The following TXNDC16 variants were observed in gnomAD, a reference collection of about 807,000 sequenced individuals.
TXNDC16 encodes the protein thioredoxin domain containing 16, also known as thioredoxin domain-containing protein 16.
Under a neutral mutation model 85.6 loss-of-function variants are expected in TXNDC16, and 74 were observed. The observed-to-expected ratio is 0.86, with a 90% confidence interval of 0.72 to 1.05. TXNDC16 has a LOEUF of 1.05. Among genes scored for constraint, TXNDC16 ranks in the 50% least tolerant of loss-of-function variants. TXNDC16 has a pLI of 0.00. For synonymous variants in TXNDC16, 335 were observed against 326.5 expected, an observed-to-expected ratio of 1.03 and a Z score of -0.28; for missense variants, 959 against 947.0, an observed-to-expected ratio of 1.01 and a Z score of -0.17.
At chr14:52,509,159 T>C (rs1189280930) in intron 9 of TXNDC16, among the ~76,000 whole-genome samples, 2 of 151,852 alleles carry the variant, frequency 1.3e-5, no homozygotes, top group African/African-American at 2.4e-5. Flanking sequence ...AAAAGAGTTT[T>C]GAAATACAGC....
intron 12 of TXNDC16, among the ~76,000 whole-genome samples, chr14:52,485,160 G>C (rs999238986): frequency 6.6e-6 from 1 of 152,190 alleles, no homozygotes; most frequent in Admixed American, 6.5e-5. Context: ...AAGTGGAAGA[G>C]AGTAATATGG....
At chr14:52,504,718 C>G (rs1484909346) in intron 9 of TXNDC16, among the ~76,000 whole-genome samples, 1 of 152,210 alleles carries the variant, frequency 6.6e-6, no homozygotes, top group African/African-American at 2.4e-5. Flanking sequence ...TCACACATAA[C>G]AATATCAACC....
intron 20 of TXNDC16, among the ~76,000 whole-genome samples, chr14:52,434,615 C>T (rs971124116): frequency 6.6e-6 from 1 of 152,092 alleles, no homozygotes; most frequent in Non-Finnish European, 1.5e-5. Flanking sequence ...TTAAGATATG[C>T]AATAAGTAAG....
intron 18 of TXNDC16, among the ~76,000 whole-genome samples, chr14:52,444,727 G>C (rs2035239781): frequency 1.3e-5 from 2 of 152,062 alleles, no homozygotes; most frequent in African/African-American, 2.4e-5. Context: ...AAGATAAAAA[G>C]AGTAAAATGA....
chr14:52,439,517 A>G (rs2140101072), intron 19 of TXNDC16, 123 bp from the exon 20 acceptor site: 1 of 884,332 alleles, frequency 1.1e-6, no homozygotes, highest in Non-Finnish European at 1.7e-6. Flanking sequence ...TTATGAAAAG[A>G]TGTCCTAAAA....
intron 16 of TXNDC16, among the ~76,000 whole-genome samples, chr14:52,467,886 T>C (rs1040590107): frequency 4.6e-5 from 7 of 152,124 alleles, no homozygotes; most frequent in African/African-American, 9.7e-5. Context: ...CAAAATAAGA[T>C]ATATACATAC....
At position 52,482,729 on chromosome 14, in the gene TXNDC16, A is replaced by G. The variant is rs1274924238; in HGVS notation, c.1252+93T>C. On this transcript the variant is annotated intron_variant, in intron 13 of 20. Coordinates refer to ENST00000281741, the MANE Select transcript of TXNDC16 (RefSeq NM_020784.3). ...ACTTGAGACATACGAAAGCAATTTC[A>G]TTTTACAACATGCAATACATGGAAT... is the stretch of plus-strand genomic sequence containing the variant. 3 of 1,215,298 alleles carry G rather than the reference A, an allele frequency of 2.5e-6. No individual in the cohort carries two copies. The East Asian group carries it at 7.6e-5, about 31-fold the overall frequency. 75.3% of individuals were successfully genotyped at this position (1,215,298 alleles called of 1,614,324 possible). A position where few individuals can be genotyped will look rare whatever the true frequency, so the allele number is the denominator to read the frequency against.
chr14:52,463,725 C>T (rs1250859639), intron 16 of TXNDC16, among the ~76,000 whole-genome samples: 2 of 152,136 alleles, frequency 1.3e-5, no homozygotes, highest in African/African-American at 4.8e-5. Context: ...ATAGAGAAAC[C>T]TTTAGTCTGA....
chr14:52,500,338 G>T lies in TXNDC16; in HGVS notation c.757-9333C>A, dbSNP rs535343993. On this transcript the variant is annotated intron_variant, in intron 9 of 20. Coordinates refer to ENST00000281741, the MANE Select transcript of TXNDC16 (RefSeq NM_020784.3). ...ATGAACCTTGAGGACATTATTCTAA[G>T]TGAAATAAGCCAACTGCAAAAACAA... 6.6e-4 allele frequency among the ~76,000 whole-genome samples: 100 copies of T among 152,310 alleles called. No individual in the cohort carries two copies. The Middle Eastern group carries it at 0.017, about 26-fold the overall frequency.
chr14:52,541,981 A>G (rs2037840757), intron 4 of TXNDC16, among the ~76,000 whole-genome samples: 2 of 152,314 alleles, frequency 1.3e-5, no homozygotes, highest in East Asian at 1.9e-4. Context: ...GTTTACCTCC[A>G]TTTTGTTACT....
At chr14:52,530,258 T>TATAATTATATATATTATTATATA (rs1555342435) in intron 6 of TXNDC16, among the ~76,000 whole-genome samples, 2 of 59,426 alleles carry the variant, frequency 3.4e-5, no homozygotes, top group Non-Finnish European at 5.5e-5. Context: ...ATATATATTA[T>TATAATTATATATATTATTATATA]ATAATATATA....
At chr14:52,438,648 T>C (rs898275908) in intron 20 of TXNDC16, among the ~76,000 whole-genome samples, 6 of 152,216 alleles carry the variant, frequency 3.9e-5, no homozygotes, top group African/African-American at 1.4e-4. Flanking sequence ...AATATTTGCT[T>C]TATTGTGGTG....
At chr14:52,516,233 G>A (rs1326293048) in intron 7 of TXNDC16, among the ~76,000 whole-genome samples, 1 of 152,020 alleles carries the variant, frequency 6.6e-6, no homozygotes, top group Admixed American at 6.6e-5. Context: ...CTTCTTTATT[G>A]CTTCCTTGTG....
At chr14:52,488,538 A>G in intron 11 of TXNDC16, 52 bp from the exon 12 acceptor site, 1 of 1,476,410 alleles carries the variant, frequency 6.8e-7, no homozygotes, top group Non-Finnish European at 9.2e-7. Context: ...ATTTTGACAT[A>G]AAAATGTTTT....
chr14:52,528,855 G>GTA (rs1304911655), intron 6 of TXNDC16, among the ~76,000 whole-genome samples: 9 of 145,008 alleles, frequency 6.2e-5, no homozygotes, highest in South Asian at 2.1e-4. Flanking sequence ...ATGTGTGTGT[G>GTA]TATATATATA....
chr14:52,484,907 A>G (rs1467777773), intron 12 of TXNDC16, among the ~76,000 whole-genome samples: 1 of 152,186 alleles, frequency 6.6e-6, no homozygotes, highest in Non-Finnish European at 1.5e-5. Flanking sequence ...AGTACAGCAC[A>G]TATAATTATG....
Position 52,482,811 on chromosome 14 carries a change from C to T in TXNDC16, c.1252+11G>A, listed in dbSNP as rs752195010. The T allele has an allele frequency of 3.8e-6, 6 of 1,587,374 alleles. No homozygotes were observed. The Admixed American group carries it at 5.6e-5, about 15-fold the overall frequency. ...CTAATATGTAACAGTCCTCTAAAGG[C>T]TCATACTCACAACCAGCATAGAAGA... On this transcript the variant is annotated intron_variant, in intron 13 of 20. Transcript: ENST00000281741.
intron 6 of TXNDC16, among the ~76,000 whole-genome samples, chr14:52,527,801 G>A (rs1311727413): frequency 6.6e-6 from 1 of 151,988 alleles, no homozygotes; most frequent in Non-Finnish European, 1.5e-5. Context: ...TCACAAGTAG[G>A]GTAACAACTC....
intron 6 of TXNDC16, among the ~76,000 whole-genome samples, chr14:52,530,412 TATATAATA>T (rs2037506316): frequency 1.5e-4 from 3 of 19,610 alleles, no homozygotes; most frequent in African/African-American, 8.8e-4. Context: ...ATATAATTAT[TATATAATA>T]TTATATATAA....
Sources: gnomAD v4.1 joint callset for allele counts (sites outside exome capture counted in the v4.1 genomes callset) on GRCh38, gnomAD v4.1.1 for gene constraint, MANE v1.5 for transcripts, NCBI Gene and HGNC (gene_info 2026-07-23, HGNC 2026-07-21) for gene names.